Variants in IL5RA observed in about 807,000 individuals in gnomAD.
IL5RA encodes interleukin-5 receptor subunit alpha.
Under a neutral mutation model 50.0 loss-of-function variants are expected in IL5RA, and 49 were observed. That is an observed-to-expected ratio of 0.98 (90% CI 0.78 to 1.24). The LOEUF (loss-of-function observed/expected upper bound fraction) is 1.24. Among genes scored for constraint, IL5RA ranks in the 50% most tolerant of loss-of-function variants. IL5RA has a pLI of 0.00. For synonymous variants in IL5RA, 202 were observed against 174.0 expected (o/e 1.16, Z -1.26); for missense variants, 600 against 500.4 (o/e 1.20, Z -1.90).
At chr3:3,076,455 A>C (rs1702485745) in intron 10 of IL5RA, 76 bp downstream of exon 10, 17 of 888,090 alleles carry the variant, frequency 1.9e-5, no homozygotes, top group Admixed American at 6.2e-5. Context: ...CCCTCTGCCT[A>C]CCGGATGCAT....
At chr3:3,089,717 C>T (rs997034036) in intron 9 of IL5RA, among the ~76,000 whole-genome samples, 1 of 152,028 alleles carries the variant, frequency 6.6e-6, no homozygotes, top group Non-Finnish European at 1.5e-5. Context: ...CAACCTCTGC[C>T]TCCTGGGTTC....
rs536838519 is a variant in IL5RA, at chr3:3,096,420, G to A, written c.710-976C>T. On this transcript the variant is annotated intron_variant, in intron 7 of 11. Coordinates refer to ENST00000446632, the MANE Select transcript of IL5RA (RefSeq NM_175726.4). ...AGGTGAGGGGAAATGAATTCTTAAT[G>A]AGTGTCCTTGTCTTAGGTAATATGA... 4.5e-4 allele frequency among the ~76,000 whole-genome samples: 68 copies of A among 152,270 alleles called. No homozygotes were observed. In the Middle Eastern group the frequency reaches 0.014, roughly 30 times the overall value.
intron 11 of IL5RA, 121 bp downstream of exon 11, chr3:3,074,661 G>A: frequency 1.7e-6 from 1 of 597,504 alleles, no homozygotes; most frequent in Non-Finnish European, 3.0e-6. Flanking sequence ...CAACAGAAAT[G>A]CTCCTGGCCT....
chr3:3,097,764 C>G, intron 7 of IL5RA, 106 bp downstream of exon 7: 1 of 1,208,520 alleles, frequency 8.3e-7, no homozygotes, highest in Non-Finnish European at 1.2e-6. Flanking sequence ...CTGATGCTTA[C>G]TTGGCATCAG....
At chr3:3,103,556 A>G (rs1173981234) in intron 3 of IL5RA, among the ~76,000 whole-genome samples, 8 of 152,240 alleles carry the variant, frequency 5.3e-5, no homozygotes, top group Admixed American at 5.2e-4. Context: ...CACAGACAAA[A>G]ATATTTGCAA....
At chr3:3,083,454 T>C (rs1451548733) in intron 9 of IL5RA, among the ~76,000 whole-genome samples, 1 of 152,198 alleles carries the variant, frequency 6.6e-6, no homozygotes, top group African/African-American at 2.4e-5. Flanking sequence ...TGCATGCGTG[T>C]ATTTGTGTGT....
Position 3,070,018 on chromosome 3 carries a change from A to G in IL5RA, c.*207T>C, listed in dbSNP as rs1040590406. The G allele has an allele frequency of 2.6e-5, 13 of 499,840 alleles. No individual in the cohort carries two copies. The African/African-American group carries it at 2.6e-4, about 10-fold the overall frequency. The allele number at this position is 499,840 out of a possible 1,614,324, so 31.0% of individuals were successfully genotyped here. On this transcript the variant is annotated 3_prime_UTR_variant, in exon 12 of 12. Transcript: ENST00000446632. The stretch of plus-strand genomic sequence containing the variant: ...ACATGGCAAAATGCTTGGATGAGTC[A>G]ACTTCCCTGCTGTAGGTGAGGCGAT...
intron 11 of IL5RA, among the ~76,000 whole-genome samples, chr3:3,073,446 A>G (rs17882434): frequency 6.6e-6 from 1 of 152,106 alleles, no homozygotes; most frequent in Non-Finnish European, 1.5e-5. Context: ...CTCATTCATT[A>G]GCACATTTTC....
In IL5RA at chr3:3,092,748, G is replaced by C. The variant is rs1404136978; in HGVS notation, c.856-386C>G. On this transcript the variant is annotated intron_variant, in intron 8 of 11. Coordinates refer to ENST00000446632, the MANE Select transcript of IL5RA (RefSeq NM_175726.4). The surrounding 1 kb of genome is among the most constrained non-coding windows in gnomAD (Gnocchi z 4.2). ...TGTCACATGAACGCTAGATTGTCTA[G>C]TGTTGAAATGAAGCTATTTTCTCAT... 3.3e-5 allele frequency among the ~76,000 whole-genome samples: 5 copies of C among 152,132 alleles called. No homozygotes were observed. The highest frequency in any genetic ancestry group is 2.0e-4 in the Admixed American group (3 of 15,280).
At chr3:3,091,768 T>C (rs1221990747) in intron 9 of IL5RA, 2 of 157,582 alleles carry the variant, frequency 1.3e-5, no homozygotes, top group Non-Finnish European at 2.7e-5. Flanking sequence ...AATGAGGACA[T>C]ATAAAATTGA....
chr3:3,081,741 C>A (rs1373903180), intron 9 of IL5RA, among the ~76,000 whole-genome samples: 3 of 152,202 alleles, frequency 2.0e-5, no homozygotes, highest in African/African-American at 7.2e-5. Flanking sequence ...AATATAGAGG[C>A]AACCCTGATT....
rs1702207255 is a variant in IL5RA, at chr3:3,068,811, C to T, written c.*1414G>A. The T allele has an allele frequency of 6.6e-6, 1 of 152,148 alleles. No homozygotes were observed. The allele number at this position is 152,148 out of a possible 1,614,324, so 9.4% of individuals were successfully genotyped here. On this transcript the variant is annotated 3_prime_UTR_variant, in exon 12 of 12. Transcript: ENST00000446632. Reference sequence around the variant, plus strand: ...AACTCCTCACTATGCCATTTCCTATCAACTTCTCTGAACCTTAGTAACTGC... The same window carrying T: ...AACTCCTCACTATGCCATTTCCTATTAACTTCTCTGAACCTTAGTAACTGC...
In IL5RA at chr3:3,092,235, G is replaced by C; in HGVS notation, c.983C>G (p.Pro328Arg). Reference protein sequence around the residue: ...EAGLWSEWSQPIYVGNDEHKP... With the variant: ...EAGLWSEWSQRIYVGNDEHKP... ...CATAAGCTACTTACCCACATAAATA[G>C]GTTGGCTCCACTCACTCCAGAGCCC... is the stretch of plus-strand genomic sequence containing the variant. The change falls in exon 9 of 12, where the codon CCT (proline) becomes CGT (arginine). Residue 328 changes from proline to arginine, a missense_variant. Physicochemically the swap from Pro to Arg is moderately radical, Grantham distance 103. Coordinates refer to ENST00000446632, the MANE Select transcript of IL5RA (RefSeq NM_175726.4). The surrounding 1 kb of genome is among the most constrained non-coding windows in gnomAD (Gnocchi z 4.2). The C allele has an allele frequency of 6.2e-7, 1 of 1,613,696 alleles. No homozygotes were observed. The highest frequency in any genetic ancestry group is 8.5e-7 in the Non-Finnish European group (1 of 1,179,906).
chr3:3,092,185 A>C lies in IL5RA; in HGVS notation c.994+39T>G, dbSNP rs373145323. 6.2e-7 allele frequency: 1 copy of C among 1,601,530 alleles called. No individual in the cohort carries two copies. Among genetic ancestry groups the C allele is most frequent in the Non-Finnish European group, 8.5e-7 (1 of 1,174,968 alleles). ...TCTGGGATTACCTTTTTTGATCACA[A>C]GGAAGGCTGCCAATGTAAAATAAAC... On this transcript the variant is annotated intron_variant, in intron 9 of 11. Coordinates refer to ENST00000446632, the MANE Select transcript of IL5RA (RefSeq NM_175726.4). This position sits in a 1 kb window ranked among gnomAD's most constrained non-coding sequence, Gnocchi z 4.2.
chr3:3,102,378 T>A (rs1703692122), intron 4 of IL5RA, among the ~76,000 whole-genome samples: 1 of 152,228 alleles, frequency 6.6e-6, no homozygotes, highest in South Asian at 2.1e-4. Flanking sequence ...GTTGGTAATT[T>A]TATGGGAAAC....
Position 3,068,587 on chromosome 3 carries a change from C to CAAAAAAAAAAA in IL5RA, c.*1627_*1637dup, listed in dbSNP as rs760670295. On this transcript the variant is annotated 3_prime_UTR_variant, in exon 12 of 12. Coordinates refer to ENST00000446632, the MANE Select transcript of IL5RA (RefSeq NM_175726.4). The stretch of plus-strand genomic sequence containing the variant: ...AAGACTGTCTCCACCACCCACCCCA[C>CAAAAAAAAAAA]AAAAAAAAAAAAAAAAAAAAACAAA... The CAAAAAAAAAAA allele has an allele frequency of 1.3e-3, 47 of 35,580 alleles. 1 individual carries two copies. The highest frequency in any genetic ancestry group is 3.9e-3 in the African/African-American group (44 of 11,330). 2.2% of individuals were successfully genotyped at this position (35,580 alleles called of 1,614,324 possible).
Position 3,092,011 on chromosome 3 carries a change from G to T in IL5RA, c.994+213C>A, listed in dbSNP as rs1372085623. On this transcript the variant is annotated intron_variant, in intron 9 of 11. Transcript: ENST00000446632. The surrounding 1 kb of genome is among the most constrained non-coding windows in gnomAD (Gnocchi z 4.2). ...AAAAACAGGCACCAGGTCTAGGAGA[G>T]TTGGCGCTAATGAGAAGCCTAGACA... 14 of 1,274,270 alleles carry T rather than the reference G, an allele frequency of 1.1e-5. No individual in the cohort carries two copies. The East Asian group carries it at 2.4e-4, about 22-fold the overall frequency. 78.9% of individuals were successfully genotyped at this position (1,274,270 alleles called of 1,614,324 possible).
rs137879697 is a variant in IL5RA, at chr3:3,092,641, T to G, written c.856-279A>C. 7.1e-4 allele frequency among the ~76,000 whole-genome samples: 108 copies of G among 152,358 alleles called. 1 individual carries two copies. In the East Asian group the frequency reaches 0.013, roughly 19 times the overall value. Reference sequence around the variant, plus strand: ...CCAGGCCCAGCTGATGTTTCCAGACTGAAAGACTGGAGTGGCCTATGCTAG... The same window carrying G: ...CCAGGCCCAGCTGATGTTTCCAGACGGAAAGACTGGAGTGGCCTATGCTAG... On this transcript the variant is annotated intron_variant, in intron 8 of 11. Transcript: ENST00000446632. This position sits in a 1 kb window ranked among gnomAD's most constrained non-coding sequence, Gnocchi z 4.2.
chr3:3,098,128 A>G lies in IL5RA; in HGVS notation c.521+9T>C, dbSNP rs769439872. The G allele has an allele frequency of 5.6e-6, 9 of 1,613,914 alleles. No homozygotes were observed. Among genetic ancestry groups the G allele is most frequent in the East Asian group, 2.2e-5 (1 of 44,888 alleles). On this transcript the variant is annotated intron_variant, in intron 6 of 11. Coordinates refer to ENST00000446632, the MANE Select transcript of IL5RA (RefSeq NM_175726.4). The stretch of plus-strand genomic sequence containing the variant: ...CATTTGCCTAAGTAAAAATAGGTAC[A>G]GTACTAACCTATAGTAGAGAAAATA...
Sources: allele counts gnomAD v4.1 joint callset (sites outside exome capture counted in the v4.1 genomes callset), GRCh38; gene constraint gnomAD v4.1.1; non-coding constraint Gnocchi (gnomAD v3.1); transcripts MANE v1.5; gene names NCBI Gene and HGNC (gene_info 2026-07-23, HGNC 2026-07-21).